Variants in PPARA observed in about 807,000 individuals in gnomAD.
PPARA encodes the protein peroxisome proliferator-activated receptor alpha.
In PPARA, 22 loss-of-function variants were observed where a neutral mutation model predicts 42.2. The observed-to-expected ratio is 0.52, with a 90% confidence interval of 0.37 to 0.74. The LOEUF (loss-of-function observed/expected upper bound fraction) is 0.74. PPARA is among the 30% of genes least tolerant of loss of function. The probability of loss-of-function intolerance (pLI) is 0.00; values close to 1 mark genes in which losing one functional copy is unlikely to be tolerated. For missense variants in PPARA, 465 were observed against 608.2 expected (o/e 0.76, Z 2.48); for synonymous variants, 242 against 239.3 (o/e 1.01, Z -0.10).
chr22:46,152,887 C>T (rs4253619), intron 2 of PPARA, among the ~76,000 whole-genome samples: 5,335 of 152,162 alleles, frequency 0.035, 329 homozygotes, highest in African/African-American at 0.12. Flanking sequence ...GAGTTCGAGA[C>T]CAGCCTGGCC....
Position 46,187,057 on chromosome 22 carries a change from A to G in PPARA, c.-43+10221A>G, listed in dbSNP as rs1260651089. On this transcript the variant is annotated intron_variant, in intron 3 of 8. Transcript: ENST00000407236. The surrounding 1 kb of genome is among the most constrained non-coding windows in gnomAD (Gnocchi z 4.9). ...AGGAAAGTGAAACCATGGATAAGGG[A>G]TATCTACTGTATAAGGTGGAGTTTT... Among the ~76,000 whole-genome samples the G allele has an allele frequency of 6.6e-6, 1 of 152,176 alleles. No individual in the cohort carries two copies. Among genetic ancestry groups the G allele is most frequent in the African/African-American group, 2.4e-5 (1 of 41,434 alleles).
intron 2 of PPARA, among the ~76,000 whole-genome samples, chr22:46,152,250 T>A (rs1306626203): frequency 6.6e-6 from 1 of 151,848 alleles, no homozygotes; most frequent in Non-Finnish European, 1.5e-5. Flanking sequence ...GCGATTCTCT[T>A]GCCTCAGCCT....
intron 2 of PPARA, among the ~76,000 whole-genome samples, chr22:46,154,526 G>T (rs1456337989): frequency 1.3e-5 from 2 of 152,022 alleles, no homozygotes; most frequent in Non-Finnish European, 2.9e-5. Flanking sequence ...GCTGAGGTGG[G>T]AGGATCCCTT....
chr22:46,203,027 C>T lies in PPARA; in HGVS notation c.208+4436C>T, dbSNP rs1932923255. On this transcript the variant is annotated intron_variant, in intron 4 of 8. Coordinates refer to ENST00000407236, the MANE Select transcript of PPARA (RefSeq NM_005036.6). This position sits in a 1 kb window ranked among gnomAD's most constrained non-coding sequence, Gnocchi z 5.8. The stretch of plus-strand genomic sequence containing the variant: ...CCTGGTCACCCATCCCTGGTTTTGA[C>T]CACCAGCCTTTAAAGTGGCAAGCGG... 2.0e-5 allele frequency among the ~76,000 whole-genome samples: 3 copies of T among 152,130 alleles called. No homozygotes were observed. Among genetic ancestry groups the T allele is most frequent in the Non-Finnish European group, 4.4e-5 (3 of 68,034 alleles).
chr22:46,241,026 C>T lies in PPARA; in HGVS notation c.*5646C>T, dbSNP rs1270445377. 2 of 152,284 alleles carry T rather than the reference C, an allele frequency of 1.3e-5. No individual in the cohort carries two copies. The highest frequency in any genetic ancestry group is 4.8e-5 in the African/African-American group (2 of 41,474). 9.4% of individuals were successfully genotyped at this position (152,284 alleles called of 1,614,324 possible). Reference sequence around the variant, plus strand: ...AGGGTTGTGGCAAATAAATGATTAACCTGCCTCGACTGTGCTGAGGGCAAC... The same window carrying T: ...AGGGTTGTGGCAAATAAATGATTAATCTGCCTCGACTGTGCTGAGGGCAAC... On this transcript the variant is annotated 3_prime_UTR_variant, in exon 9 of 9. Transcript: ENST00000407236. The surrounding 1 kb of genome is among the most constrained non-coding windows in gnomAD (Gnocchi z 5.7).
chr22:46,205,541 TATATATATA>T (rs1569226122), intron 4 of PPARA, among the ~76,000 whole-genome samples: 4 of 36,090 alleles, frequency 1.1e-4, no homozygotes, highest in African/African-American at 2.7e-4. Context: ...TATATATATA[TATATATATA>T]TATATTTTTT....
intron 2 of PPARA, among the ~76,000 whole-genome samples, chr22:46,153,069 G>A (rs1924690407): frequency 6.6e-6 from 1 of 152,122 alleles, no homozygotes; most frequent in Non-Finnish European, 1.5e-5. Flanking sequence ...CTGGGCGCCA[G>A]GGCGAGACTC....
In PPARA at chr22:46,233,155, A is replaced by C. The variant is rs545537772; in HGVS notation, c.1159+916A>C. On this transcript the variant is annotated intron_variant, in intron 8 of 8. Transcript: ENST00000407236. This position sits in a 1 kb window ranked among gnomAD's most constrained non-coding sequence, Gnocchi z 7.3. ...TTGTATGAAGTGCTATACAGATGTC[A>C]GTATAGTTGCTGTCACAGTTGGTTA... 6.6e-6 allele frequency among the ~76,000 whole-genome samples: 1 copy of C among 152,148 alleles called. No homozygotes were observed. The highest frequency in any genetic ancestry group is 2.4e-5 in the African/African-American group (1 of 41,518).
intron 4 of PPARA, 78 bp downstream of exon 4, chr22:46,198,669 T>C: frequency 5.0e-6 from 7 of 1,412,448 alleles, no homozygotes; most frequent in Non-Finnish European, 6.8e-6. Flanking sequence ...TTTTTTTTTT[T>C]TTTTTTTTTG....
chr22:46,196,786 G>A lies in PPARA; in HGVS notation c.-42-1556G>A, dbSNP rs559557904. Among the ~76,000 whole-genome samples the A allele has an allele frequency of 3.3e-5, 5 of 152,260 alleles. No individual in the cohort carries two copies. The highest frequency in any genetic ancestry group is 1.9e-4 in the East Asian group (1 of 5,188). On this transcript the variant is annotated intron_variant, in intron 3 of 8. Coordinates refer to ENST00000407236, the MANE Select transcript of PPARA (RefSeq NM_005036.6). This position sits in a 1 kb window ranked among gnomAD's most constrained non-coding sequence, Gnocchi z 5.6. ...CGCCCAGGCTGGTGTGCAGTGGTGC[G>A]ACCTCAGCTCACCGCAACCTCCGCC...
rs71192405 is a variant in PPARA at position 46,232,981 on chromosome 22, CAAAAAAAA to C, written c.1159+755_1159+762del. Reference sequence around the variant, plus strand: ...TGGGCGACGAAGAATGACCCTGTCTCAAAAAAAAAAAAAAAAAAAATTATACACACACA... The same window carrying C: ...TGGGCGACGAAGAATGACCCTGTCTCAAAAAAAAAAAATTATACACACACA... On this transcript the variant is annotated intron_variant, in intron 8 of 8. Transcript: ENST00000407236. This position sits in a 1 kb window ranked among gnomAD's most constrained non-coding sequence, Gnocchi z 5.3. Among the ~76,000 whole-genome samples the C allele has an allele frequency of 2.1e-5, 2 of 93,608 alleles. No individual in the cohort carries two copies. Among genetic ancestry groups the C allele is most frequent in the African/African-American group, 7.1e-5 (2 of 28,054 alleles). The allele number at this position is 93,608 out of a possible 152,430, so 61.4% of individuals were successfully genotyped here.
intron 3 of PPARA, among the ~76,000 whole-genome samples, chr22:46,177,893 C>A (rs1477254237): frequency 6.6e-6 from 1 of 151,990 alleles, no homozygotes; most frequent in Non-Finnish European, 1.5e-5. Flanking sequence ...GGGTATTTAC[C>A]CAAAGAGGTA....
chr22:46,198,642 A>G (rs1932623375), intron 4 of PPARA, 51 bp downstream of exon 4: 1 of 1,448,240 alleles, frequency 6.9e-7, no homozygotes, highest in African/African-American at 1.4e-5. Flanking sequence ...TTCTTCCTCC[A>G]AGAAAACTGT....
chr22:46,188,607 C>T lies in PPARA; in HGVS notation c.-42-9735C>T, dbSNP rs1315542276. 6.6e-6 allele frequency: 1 copy of T among 152,210 alleles called. No homozygotes were observed. The highest frequency in any genetic ancestry group is 1.5e-5 in the Non-Finnish European group (1 of 68,050). 9.4% of individuals were successfully genotyped at this position (152,210 alleles called of 1,614,324 possible). On this transcript the variant is annotated intron_variant, in intron 3 of 8. Coordinates refer to ENST00000407236, the MANE Select transcript of PPARA (RefSeq NM_005036.6). The surrounding 1 kb of genome is among the most constrained non-coding windows in gnomAD (Gnocchi z 5.0). Reference sequence around the variant, plus strand: ...TTATAAATGGGACCAATAATACCTACCCTGCCCTGGCGTGGATAGATTAAA... The same window carrying T: ...TTATAAATGGGACCAATAATACCTATCCTGCCCTGGCGTGGATAGATTAAA...
Position 46,231,752 on chromosome 22 carries a change from T to C in PPARA, c.712-40T>C. On this transcript the variant is annotated intron_variant, in intron 7 of 8. Transcript: ENST00000407236. The surrounding 1 kb of genome is among the most constrained non-coding windows in gnomAD (Gnocchi z 7.7). ...AGCTGATAGCTGGGAGCATAGCGCA[T>C]CCCACATCACCTGACTTACCTTGGT... 2 of 1,591,222 alleles carry C rather than the reference T, an allele frequency of 1.3e-6. No individual in the cohort carries two copies. Among genetic ancestry groups the C allele is most frequent in the Non-Finnish European group, 1.7e-6 (2 of 1,164,440 alleles).
At chr22:46,178,944 A>G (rs1929561250) in intron 3 of PPARA, among the ~76,000 whole-genome samples, 1 of 152,176 alleles carries the variant, frequency 6.6e-6, no homozygotes, top group African/African-American at 2.4e-5. Context: ...TCAGAATCTC[A>G]GATGTATACA....
intron 2 of PPARA, among the ~76,000 whole-genome samples, chr22:46,176,355 A>G (rs1332464474): frequency 1.3e-5 from 2 of 151,910 alleles, no homozygotes; most frequent in Admixed American, 6.6e-5. Context: ...GCATGCTGGC[A>G]TGTGCCTGCA....
chr22:46,180,890 G>A lies in PPARA; in HGVS notation c.-43+4054G>A, dbSNP rs1929857597. 6.6e-6 allele frequency among the ~76,000 whole-genome samples: 1 copy of A among 152,114 alleles called. No homozygotes were observed. Among genetic ancestry groups the A allele is most frequent in the Non-Finnish European group, 1.5e-5 (1 of 68,026 alleles). Reference sequence around the variant, plus strand: ...GGGTCGAGGGAGACCTGGGACCTTTGGTGCCAATGGGAGGACTTTAGCCCG... The same window carrying A: ...GGGTCGAGGGAGACCTGGGACCTTTAGTGCCAATGGGAGGACTTTAGCCCG... On this transcript the variant is annotated intron_variant, in intron 3 of 8. Coordinates refer to ENST00000407236, the MANE Select transcript of PPARA (RefSeq NM_005036.6). This position sits in a 1 kb window ranked among gnomAD's most constrained non-coding sequence, Gnocchi z 4.2.
At position 46,239,915 on chromosome 22, in the gene PPARA, A is replaced by G. The variant is rs1381144778; in HGVS notation, c.*4535A>G. The G allele has an allele frequency of 1.4e-5, 5 of 361,616 alleles. No homozygotes were observed. Among genetic ancestry groups the G allele is most frequent in the Non-Finnish European group, 2.5e-5 (5 of 203,460 alleles). 22.4% of individuals were successfully genotyped at this position (361,616 alleles called of 1,614,324 possible). On this transcript the variant is annotated 3_prime_UTR_variant, in exon 9 of 9. Coordinates refer to ENST00000407236, the MANE Select transcript of PPARA (RefSeq NM_005036.6). ...CATCTGCTACTTACCAGCCGCATACATGATGGAGGGTTTTTTGGTCCTGAT... is the reference window on the plus strand; with the variant it reads ...CATCTGCTACTTACCAGCCGCATACGTGATGGAGGGTTTTTTGGTCCTGAT...
Sources: allele counts gnomAD v4.1 joint callset (sites outside exome capture counted in the v4.1 genomes callset), GRCh38; gene constraint gnomAD v4.1.1; non-coding constraint Gnocchi (gnomAD v3.1); transcripts MANE v1.5; gene names NCBI Gene and HGNC (gene_info 2026-07-23, HGNC 2026-07-21).